ARID1B: variants seen among roughly 807,000 people sequenced by gnomAD.
ARID1B encodes AT-rich interaction domain 1B.
In ARID1B, 30 loss-of-function variants were observed where a neutral mutation model predicts 212.3. That is an observed-to-expected ratio of 0.14 (90% CI 0.11 to 0.19). The LOEUF (loss-of-function observed/expected upper bound fraction) is 0.19, where lower values mean the gene tolerates loss of function less well. Among genes scored for constraint, ARID1B ranks in the 10% least tolerant of loss-of-function variants. The probability of loss-of-function intolerance (pLI) is 1.00; values close to 1 mark genes in which losing one functional copy is unlikely to be tolerated. For synonymous variants in ARID1B, 1,402 were observed against 1,301.7 expected (o/e 1.08, Z -1.66); for missense variants, 2,891 against 3,204.0 (o/e 0.90, Z 2.36).
At position 157,110,477 on chromosome 6, in the gene ARID1B, C is replaced by A; in HGVS notation, c.2497C>A (p.Gln833Lys). The change falls in exon 6 of 20, where the codon CAG becomes AAG. Residue 833 changes from glutamine (Q) to lysine (K), a missense_variant. Physicochemically the swap from Gln to Lys is moderately conservative, Grantham distance 53 (BLOSUM62 1). Transcript: ENST00000636930. ...TTCCCTCCTGTGTTTTACAGGTAGT[C>A]AGATGCCTCCGCAGCCACCCGGGAG... The part of the protein sequence containing the change: ...PISPASIPGS[Q>K]MPPQPPGSQS... The A allele has an allele frequency of 6.2e-7, 1 of 1,614,082 alleles. No individual in the cohort carries two copies. The highest frequency in any genetic ancestry group is 8.5e-7 in the Non-Finnish European group (1 of 1,180,018).
chr6:157,135,748 C>T (rs752308564), intron 7 of ARID1B, among the ~76,000 whole-genome samples: 8 of 152,188 alleles, frequency 5.3e-5, no homozygotes, highest in Non-Finnish European at 1.0e-4. Context: ...CTTTTTCTGT[C>T]TTTGTTATCC....
intron 1 of ARID1B, among the ~76,000 whole-genome samples, chr6:156,795,665 A>T (rs1780316000): frequency 6.6e-6 from 1 of 152,098 alleles, no homozygotes; most frequent in African/African-American, 2.4e-5. Context: ...GAGGTTGTGG[A>T]AAGCACTCAG....
intron 4 of ARID1B, among the ~76,000 whole-genome samples, chr6:156,994,349 A>G (rs1778454472): frequency 6.6e-6 from 1 of 152,070 alleles, no homozygotes; most frequent in Admixed American, 6.5e-5. Context: ...GAAAGCGCTA[A>G]TGGGTTTTAA....
chr6:157,076,612 AGTT>A (rs1463542707), intron 4 of ARID1B, among the ~76,000 whole-genome samples: 1 of 151,824 alleles, frequency 6.6e-6, no homozygotes, highest in Non-Finnish European at 1.5e-5. Context: ...TAAACAGTAA[AGTT>A]GTTGTGGGTT....
intron 4 of ARID1B, among the ~76,000 whole-genome samples, chr6:156,969,257 A>T (rs1257213049): frequency 6.6e-6 from 1 of 152,244 alleles, no homozygotes; most frequent in Non-Finnish European, 1.5e-5. Context: ...ATGTGTCGAC[A>T]AAGTTCTCCA....
intron 4 of ARID1B, among the ~76,000 whole-genome samples, chr6:157,011,583 G>A (rs1039861728): frequency 2.0e-5 from 3 of 152,168 alleles, no homozygotes; most frequent in Non-Finnish European, 4.4e-5. Context: ...AGAAAGTTAT[G>A]TTTTTATGAA....
chr6:156,824,354 T>C (rs1312403928), intron 1 of ARID1B, among the ~76,000 whole-genome samples: 1 of 152,228 alleles, frequency 6.6e-6, no homozygotes, highest in Non-Finnish European at 1.5e-5. Context: ...GAAAACATGC[T>C]CGGACAATCT....
intron 4 of ARID1B, among the ~76,000 whole-genome samples, chr6:157,055,465 C>A (rs1782896306): frequency 6.6e-6 from 1 of 152,176 alleles, no homozygotes. Context: ...AAATTTCAAA[C>A]CTTTACTGCT....
At chr6:156,845,246 C>T (rs554437217) in intron 2 of ARID1B, among the ~76,000 whole-genome samples, 1 of 152,292 alleles carries the variant, frequency 6.6e-6, no homozygotes, top group South Asian at 2.1e-4. Flanking sequence ...AGCTGGAATC[C>T]CTCCGGGAGC....
In ARID1B at chr6:156,779,438, C is replaced by T. The variant is rs746135430; in HGVS notation, c.1758C>T (p.Pro586=). The change falls in exon 1 of 20, where the codon CCC becomes CCT. Residue 586 remains proline (P), a synonymous_variant. Transcript: ENST00000636930. ...AAAGGAGTCACCCGGCGATGAGCCC[C>T]GGCACCCCCGGACCGACCATGGGCA... ...AQQRSHPAMS[P]GTPGPTMGRS... is the part of the protein sequence containing the mutation. The T allele has an allele frequency of 4.8e-6, 7 of 1,462,960 alleles. No individual in the cohort carries two copies. The South Asian group carries it at 5.0e-5, about 10-fold the overall frequency. 90.6% of individuals were successfully genotyped at this position (1,462,960 alleles called of 1,614,324 possible). A position where few individuals can be genotyped will look rare whatever the true frequency, so the allele number is the denominator to read the frequency against.
At position 156,812,972 on chromosome 6, in the gene ARID1B, G is replaced by GTATA. The variant is rs1562404008; in HGVS notation, c.1792-16254_1792-16253insATAT. On this transcript the variant is annotated intron_variant, in intron 1 of 19. Coordinates refer to ENST00000636930, the MANE Select transcript of ARID1B (RefSeq NM_001374828.1). Reference sequence around the variant, plus strand: ...TGTGTGTGTGTGTGTGTGTGTGTGTGTGTGTATGTATATACATACGTATGT... The same window carrying GTATA: ...TGTGTGTGTGTGTGTGTGTGTGTGTGTATATGTGTATGTATATACATACGTATGT... Among the ~76,000 whole-genome samples the GTATA allele has an allele frequency of 6.6e-5, 6 of 91,164 alleles. 1 individual carries two copies. The highest frequency in any genetic ancestry group is 5.0e-4 in the Admixed American group (4 of 7,968). 59.8% of individuals were successfully genotyped at this position (91,164 alleles called of 152,430 possible). A position where few individuals can be genotyped will look rare whatever the true frequency, so the allele number is the denominator to read the frequency against.
At chr6:156,859,468 C>T (rs920364558) in intron 2 of ARID1B, among the ~76,000 whole-genome samples, 1 of 152,108 alleles carries the variant, frequency 6.6e-6, no homozygotes, top group Admixed American at 6.6e-5. Context: ...GAGAGTTCGC[C>T]TTCCCTTAAG....
chr6:156,808,347 G>A lies in ARID1B; in HGVS notation c.1792-20880G>A, dbSNP rs576120838. 9.9e-5 allele frequency among the ~76,000 whole-genome samples: 15 copies of A among 152,130 alleles called. No individual in the cohort carries two copies. The South Asian group carries it at 3.1e-3, about 32-fold the overall frequency. ...GAGTTCTCATTCTTTTTTTGGTATG[G>A]TACTCAATAGGTATTCTAGTCAAAT... is the stretch of plus-strand genomic sequence containing the variant. On this transcript the variant is annotated intron_variant, in intron 1 of 19. Coordinates refer to ENST00000636930, the MANE Select transcript of ARID1B (RefSeq NM_001374828.1).
chr6:157,023,200 T>A (rs1780438559), intron 4 of ARID1B: 1 of 152,240 alleles, frequency 6.6e-6, no homozygotes. Flanking sequence ...GTATTCCATA[T>A]CCTCTCCTCA....
intron 2 of ARID1B, among the ~76,000 whole-genome samples, chr6:156,887,795 A>G (rs150390792): frequency 6.5e-4 from 99 of 152,302 alleles, no homozygotes; most frequent in African/African-American, 2.2e-3. Context: ...CAAAGGCTGT[A>G]TTTAAAACCT....
intron 11 of ARID1B, among the ~76,000 whole-genome samples, chr6:157,179,229 C>T (rs1201780213): frequency 6.6e-6 from 1 of 152,016 alleles, no homozygotes. Flanking sequence ...TAATAACTGT[C>T]CCGTTAATAA....
At chr6:156,869,099 T>G (rs1785925158) in intron 2 of ARID1B, among the ~76,000 whole-genome samples, 1 of 152,248 alleles carries the variant, frequency 6.6e-6, no homozygotes, top group Non-Finnish European at 1.5e-5. Context: ...TTGAAACTTT[T>G]GATTTCATTT....
intron 2 of ARID1B, among the ~76,000 whole-genome samples, chr6:156,864,766 G>A (rs1350761824): frequency 6.6e-6 from 1 of 152,096 alleles, no homozygotes; most frequent in East Asian, 1.9e-4. Flanking sequence ...CTCACCACAA[G>A]CATGACCCTT....
chr6:156,853,325 C>T (rs1456314651), intron 2 of ARID1B, among the ~76,000 whole-genome samples: 1 of 151,988 alleles, frequency 6.6e-6, no homozygotes, highest in African/African-American at 2.4e-5. Flanking sequence ...TATTCAGAGC[C>T]CTAGAGTTGT....
Sources: gnomAD v4.1 joint callset for allele counts (sites outside exome capture counted in the v4.1 genomes callset) on GRCh38, gnomAD v4.1.1 for gene constraint, MANE v1.5 for transcripts, NCBI Gene and HGNC (gene_info 2026-07-23, HGNC 2026-07-21) for gene names.